Variants in SGK3 observed in about 807,000 individuals in gnomAD.
SGK3 encodes serum/glucocorticoid regulated kinase family member 3, also known as serine/threonine-protein kinase Sgk3.
SGK3 carries 47 observed loss-of-function variants against 68.5 expected under a neutral mutation model. The ratio of observed to expected loss-of-function variants is 0.69; its 90% CI spans 0.54 to 0.87. The LOEUF is 0.87. Ranked by LOEUF, SGK3 falls within the 40% of genes least tolerant of loss-of-function variation. The pLI, the probability that SGK3 is intolerant of heterozygous loss-of-function variation, is 0.00. For synonymous variants in SGK3, 181 were observed against 189.1 expected (o/e 0.96, Z 0.35); for missense variants, 479 against 575.5 (o/e 0.83, Z 1.72).
rs747055036 is a variant in SGK3, at chr8:66,822,403, A to G, written c.361A>G (p.Ser121Gly). 25 of 1,610,720 alleles carry G rather than the reference A, an allele frequency of 1.6e-5. No homozygotes were observed. In the Admixed American group the frequency reaches 2.5e-4, roughly 16 times the overall value. ...PDVRAFLQMD[S>G]PKHQSDPSED... ...TGTCAGAGCATTCCTTCAAATGGAC[A>G]GTCCAAAACACCAGTCAGATCCATC... is the stretch of plus-strand genomic sequence containing the variant. The change falls in exon 6 of 17, where the codon AGT becomes GGT. Residue 121 changes from serine (S) to glycine (G), a missense_variant. Ser to Gly is a moderately conservative substitution (Grantham distance 56, BLOSUM62 0). Coordinates refer to ENST00000521198, the MANE Select transcript of SGK3 (RefSeq NM_001033578.3).
chr8:66,757,399 G>T (rs896322182), intron 1 of SGK3, among the ~76,000 whole-genome samples: 2 of 150,948 alleles, frequency 1.3e-5, no homozygotes, highest in Non-Finnish European at 1.5e-5. Context: ...TAGGCCTCTC[G>T]AAGGGCTGGG....
At chr8:66,755,275 G>A (rs199754478) in intron 1 of SGK3, among the ~76,000 whole-genome samples, 22 of 141,940 alleles carry the variant, frequency 1.5e-4, no homozygotes, top group African/African-American at 3.6e-4. Context: ...AAAAAAAAAC[G>A]AAAAACAGCA....
chr8:66,810,287 AT>A (rs1472839839), intron 4 of SGK3, among the ~76,000 whole-genome samples: 2 of 152,164 alleles, frequency 1.3e-5, no homozygotes, highest in Non-Finnish European at 2.9e-5. Context: ...AAAAAAAAAA[AT>A]AAAAGGTGAG....
At chr8:66,814,738 C>T (rs1187474775) in intron 5 of SGK3, among the ~76,000 whole-genome samples, 3 of 152,154 alleles carry the variant, frequency 2.0e-5, no homozygotes, top group Non-Finnish European at 4.4e-5. Context: ...CTCATGCGGA[C>T]AGGTTTAAAC....
intron 1 of SGK3, among the ~76,000 whole-genome samples, chr8:66,766,164 C>A (rs1208475298): frequency 6.6e-6 from 1 of 151,954 alleles, no homozygotes; most frequent in East Asian, 1.9e-4. Context: ...ATATGGTCTG[C>A]CTTGGTGAAT....
chr8:66,730,466 G>A (rs1041224707), intron 1 of SGK3, among the ~76,000 whole-genome samples: 6 of 151,800 alleles, frequency 4.0e-5, no homozygotes, highest in African/African-American at 1.5e-4. Context: ...CCATTTACTC[G>A]GTTTTTTTCT....
At chr8:66,818,634 T>C (rs1021808825) in intron 5 of SGK3, among the ~76,000 whole-genome samples, 2 of 152,228 alleles carry the variant, frequency 1.3e-5, no homozygotes, top group African/African-American at 4.8e-5. Context: ...CAGATTAGTG[T>C]GTGCCCTGTT....
At chr8:66,752,711 T>C (rs544873821) in intron 1 of SGK3, among the ~76,000 whole-genome samples, 3 of 152,110 alleles carry the variant, frequency 2.0e-5, no homozygotes, top group Non-Finnish European at 2.9e-5. Flanking sequence ...GGGGGCCAGG[T>C]GCTTATCCAC....
intron 4 of SGK3, among the ~76,000 whole-genome samples, chr8:66,807,940 T>C (rs1486548627): frequency 6.6e-6 from 1 of 152,150 alleles, no homozygotes; most frequent in Non-Finnish European, 1.5e-5. Flanking sequence ...GCTCTTTATG[T>C]ATTTTGCTAT....
At chr8:66,835,578 A>G (rs1809488648) in intron 8 of SGK3, among the ~76,000 whole-genome samples, 185 bp from the exon 9 acceptor site, 3 of 152,220 alleles carry the variant, frequency 2.0e-5, no homozygotes, top group South Asian at 2.1e-4. Context: ...AATCTCAAAT[A>G]TCAACACATT....
rs1327456236 is a variant in SGK3, at chr8:66,860,155, A to G, written c.*574A>G. On this transcript the variant is annotated 3_prime_UTR_variant, in exon 17 of 17. Transcript: ENST00000521198. ...CAATTGGAATAACTTTATTCTGCAG[A>G]TCATTTAAGAAGTAACAGGCCGGGC... 1 of 152,454 alleles carries G rather than the reference A, an allele frequency of 6.6e-6. No homozygotes were observed. The highest frequency in any genetic ancestry group is 1.5e-5 in the Non-Finnish European group (1 of 68,080). 9.4% of individuals were successfully genotyped at this position (152,454 alleles called of 1,614,324 possible). A position where few individuals can be genotyped will look rare whatever the true frequency, so the allele number is the denominator to read the frequency against.
chr8:66,852,909 A>G (rs1810352331), intron 16 of SGK3, among the ~76,000 whole-genome samples: 2 of 152,210 alleles, frequency 1.3e-5, no homozygotes, highest in Non-Finnish European at 1.5e-5. Flanking sequence ...TATATCATCA[A>G]GCATGTTGAA....
At chr8:66,855,242 G>T (rs567201106) in intron 16 of SGK3, among the ~76,000 whole-genome samples, 2 of 151,978 alleles carry the variant, frequency 1.3e-5, no homozygotes, top group African/African-American at 2.4e-5. Context: ...TTGTTCTGTC[G>T]CCAAGGCTGG....
chr8:66,762,333 A>T (rs1343707778), intron 1 of SGK3, among the ~76,000 whole-genome samples: 1 of 152,124 alleles, frequency 6.6e-6, no homozygotes, highest in Non-Finnish European at 1.5e-5. Context: ...ATACAAACCA[A>T]CATGGTGAAA....
At chr8:66,809,851 CAT>C (rs978348826) in intron 4 of SGK3, among the ~76,000 whole-genome samples, 5 of 152,208 alleles carry the variant, frequency 3.3e-5, no homozygotes, top group South Asian at 2.1e-4. Flanking sequence ...ATGGCTCACT[CAT>C]ATGGTTTTTG....
intron 1 of SGK3, among the ~76,000 whole-genome samples, chr8:66,744,130 T>G (rs572379465): frequency 1.3e-5 from 2 of 152,308 alleles, no homozygotes; most frequent in East Asian, 3.9e-4. Context: ...TTTTTAACCT[T>G]ATACTATTTG....
chr8:66,806,082 T>C (rs1168676211), intron 4 of SGK3, among the ~76,000 whole-genome samples: 2 of 152,246 alleles, frequency 1.3e-5, no homozygotes, highest in African/African-American at 2.4e-5. Flanking sequence ...CTGCTTTGCC[T>C]ATAGCCCTCT....
intron 1 of SGK3, among the ~76,000 whole-genome samples, chr8:66,774,136 G>A (rs563441947): frequency 6.6e-6 from 1 of 152,154 alleles, no homozygotes; most frequent in Non-Finnish European, 1.5e-5. Context: ...AGCCCATGAG[G>A]TCACCAGGCT....
chr8:66,789,922 A>G (rs942915414), intron 1 of SGK3, among the ~76,000 whole-genome samples: 3 of 152,100 alleles, frequency 2.0e-5, no homozygotes, highest in African/African-American at 7.2e-5. Flanking sequence ...TACCAAAAAT[A>G]GAAAAATTAG....
Sources: gnomAD v4.1 joint callset for allele counts (sites outside exome capture counted in the v4.1 genomes callset) on GRCh38, gnomAD v4.1.1 for gene constraint, MANE v1.5 for transcripts, NCBI Gene and HGNC (gene_info 2026-07-23, HGNC 2026-07-21) for gene names.